Variants in PXDNL observed in about 807,000 individuals in gnomAD.
PXDNL encodes probable oxidoreductase PXDNL.
Under a neutral mutation model 150.8 loss-of-function variants are expected in PXDNL, and 145 were observed. The observed-to-expected ratio is 0.96, with a 90% CI of 0.84 to 1.10. The LOEUF (loss-of-function observed/expected upper bound fraction) is 1.10, where lower values mean the gene tolerates loss of function less well. PXDNL is among the 50% of genes least tolerant of loss of function. The pLI is 0.00. For missense variants in PXDNL, 2,087 were observed against 1,873.9 expected, an observed-to-expected ratio of 1.11 and a Z score of -2.10; for synonymous variants, 757 against 725.7, an observed-to-expected ratio of 1.04 and a Z score of -0.69.
intron 1 of PXDNL, among the ~76,000 whole-genome samples, chr8:51,789,368 T>G (rs537289657): frequency 6.6e-6 from 1 of 152,274 alleles, no homozygotes; most frequent in Non-Finnish European, 1.5e-5. Context: ...AGGATAAGCA[T>G]TAACAAGCAC....
intron 1 of PXDNL, among the ~76,000 whole-genome samples, chr8:51,677,995 G>A (rs1397812293): frequency 6.6e-6 from 1 of 152,116 alleles, no homozygotes; most frequent in Non-Finnish European, 1.5e-5. Context: ...AGTTTGCAGG[G>A]CTTAAAATCA....
At chr8:51,644,238 A>G (rs1417238627) in intron 2 of PXDNL, among the ~76,000 whole-genome samples, 2 of 146,324 alleles carry the variant, frequency 1.4e-5, no homozygotes, top group African/African-American at 4.9e-5. Flanking sequence ...ACTAAAAGTG[A>G]AGGAGACAGT....
rs1051302159 is a variant in PXDNL at position 51,809,388 on chromosome 8, G to C, written c.-44C>G. The stretch of plus-strand genomic sequence containing the variant: ...CCACGCGAAGAAGCAGCCGGAGGGA[G>C]AGCAGCAGCTGCAGCTGCAGCAGCA... On this transcript the variant is annotated 5_prime_UTR_variant, in exon 1 of 23. Transcript: ENST00000356297. 8 of 1,487,160 alleles carry C rather than the reference G, an allele frequency of 5.4e-6. No individual in the cohort carries two copies. Among genetic ancestry groups the C allele is most frequent in the Non-Finnish European group, 7.1e-6 (8 of 1,120,268 alleles). 92.1% of individuals were successfully genotyped at this position (1,487,160 alleles called of 1,614,324 possible).
intron 17 of PXDNL, among the ~76,000 whole-genome samples, chr8:51,391,015 G>T (rs373066723): frequency 6.6e-6 from 1 of 151,942 alleles, no homozygotes; most frequent in Non-Finnish European, 1.5e-5. Context: ...TTGTCCTTGC[G>T]ATAGTTTACT....
chr8:51,361,642 C>G (rs1046610713), intron 19 of PXDNL, among the ~76,000 whole-genome samples: 3 of 152,008 alleles, frequency 2.0e-5, no homozygotes, highest in African/African-American at 7.2e-5. Flanking sequence ...ATGAATAATA[C>G]CACACTTTAA....
At chr8:51,711,893 G>A (rs1352373153) in intron 1 of PXDNL, among the ~76,000 whole-genome samples, 4 of 152,274 alleles carry the variant, frequency 2.6e-5, no homozygotes, top group Admixed American at 6.5e-5. Flanking sequence ...AACACCAGGG[G>A]TTTGTTCTAG....
At chr8:51,391,267 T>G (rs1563388411) in intron 17 of PXDNL, among the ~76,000 whole-genome samples, 1 of 152,164 alleles carries the variant, frequency 6.6e-6, no homozygotes, top group Non-Finnish European at 1.5e-5. Context: ...AGTAATGGGA[T>G]GGCTGGGTCA....
intron 19 of PXDNL, among the ~76,000 whole-genome samples, chr8:51,346,186 T>C (rs954876054): frequency 6.6e-6 from 1 of 152,220 alleles, no homozygotes; most frequent in Non-Finnish European, 1.5e-5. Flanking sequence ...CAAGGCAGTC[T>C]GCAGAACCTC....
chr8:51,505,387 A>G (rs934807894), intron 4 of PXDNL, among the ~76,000 whole-genome samples: 2 of 152,150 alleles, frequency 1.3e-5, no homozygotes, highest in Non-Finnish European at 2.9e-5. Context: ...GCCACATAAA[A>G]ACAAATGTTC....
intron 4 of PXDNL, among the ~76,000 whole-genome samples, chr8:51,555,100 A>G (rs976904262): frequency 1.3e-5 from 2 of 152,190 alleles, no homozygotes; most frequent in African/African-American, 4.8e-5. Flanking sequence ...ATTCATAATG[A>G]ACAGAAATTC....
rs1805424317 is a variant in PXDNL at position 51,324,461 on chromosome 8, AT to A, written c.4147-3565del. On this transcript the variant is annotated intron_variant, in intron 21 of 22. Transcript: ENST00000356297. ...CTGCTTTCAAAATGTTTTCCTTTTT[AT>A]TTTGTTGTCAAAAGTGTGACTATGA... 2.0e-5 allele frequency among the ~76,000 whole-genome samples: 3 copies of A among 152,206 alleles called. No homozygotes were observed. In the South Asian group the frequency reaches 6.2e-4, roughly 32 times the overall value.
At chr8:51,729,737 C>A (rs1816881809) in intron 1 of PXDNL, among the ~76,000 whole-genome samples, 1 of 152,118 alleles carries the variant, frequency 6.6e-6, no homozygotes, top group Non-Finnish European at 1.5e-5. Flanking sequence ...GACTTGGGAG[C>A]AAATAAGATG....
intron 12 of PXDNL, among the ~76,000 whole-genome samples, chr8:51,434,345 C>T (rs1809336453): frequency 6.6e-6 from 1 of 152,182 alleles, no homozygotes; most frequent in Non-Finnish European, 1.5e-5. Context: ...CTAGAGGTAT[C>T]CCCTGACCTC....
intron 2 of PXDNL, among the ~76,000 whole-genome samples, chr8:51,652,577 G>A (rs1191890461): frequency 2.0e-5 from 3 of 152,088 alleles, no homozygotes; most frequent in Non-Finnish European, 2.9e-5. Context: ...AAACCATATA[G>A]TCCAGCAGTT....
At chr8:51,572,938 G>A (rs1162759868) in intron 3 of PXDNL, among the ~76,000 whole-genome samples, 11 of 151,752 alleles carry the variant, frequency 7.2e-5, no homozygotes, top group East Asian at 5.8e-4. Flanking sequence ...CAAATCTCCC[G>A]GGAACTTCAG....
chr8:51,366,005 AG>A (rs1295891466), intron 19 of PXDNL, among the ~76,000 whole-genome samples: 1 of 152,206 alleles, frequency 6.6e-6, no homozygotes, highest in Admixed American at 6.5e-5. Flanking sequence ...CAACAAAAGA[AG>A]GTTGCCCCTA....
intron 5 of PXDNL, among the ~76,000 whole-genome samples, chr8:51,498,727 A>G (rs1229359663): frequency 6.6e-6 from 1 of 152,198 alleles, no homozygotes; most frequent in African/African-American, 2.4e-5. Context: ...TCCTCCTGCC[A>G]TTTCCAATGG....
At chr8:51,747,309 G>A (rs183988518) in intron 1 of PXDNL, among the ~76,000 whole-genome samples, 1 of 152,274 alleles carries the variant, frequency 6.6e-6, no homozygotes, top group East Asian at 1.9e-4. Flanking sequence ...AATTGTCAAT[G>A]TTATTTCATT....
intron 17 of PXDNL, among the ~76,000 whole-genome samples, chr8:51,390,848 A>G (rs1447717787): frequency 6.6e-6 from 1 of 151,610 alleles, no homozygotes; most frequent in Non-Finnish European, 1.5e-5. Flanking sequence ...GCACCCATTA[A>G]CTCGTCATTT....
Sources: gnomAD v4.1 joint callset for allele counts (sites outside exome capture counted in the v4.1 genomes callset) on GRCh38, gnomAD v4.1.1 for gene constraint, MANE v1.5 for transcripts, NCBI Gene and HGNC (gene_info 2026-07-23, HGNC 2026-07-21) for gene names.